OSBPL10: variants seen among roughly 807,000 people sequenced by gnomAD.
OSBPL10 encodes the protein oxysterol binding protein like 10, also known as oxysterol-binding protein-related protein 10.
A neutral mutation model predicts 81.7 loss-of-function variants in OSBPL10; 49 were observed. That is an observed-to-expected ratio of 0.60 (90% CI 0.48 to 0.76). The LOEUF (loss-of-function observed/expected upper bound fraction) is 0.76. Among genes scored for constraint, OSBPL10 ranks in the 30% least tolerant of loss-of-function variants. The pLI, the probability that OSBPL10 is intolerant of heterozygous loss-of-function variation, is 0.00. For synonymous variants in OSBPL10, 419 were observed against 383.6 expected, an observed-to-expected ratio of 1.09 and a Z score of -1.08; for missense variants, 923 against 987.8, an observed-to-expected ratio of 0.93 and a Z score of 0.88.
At chr3:31,746,007 A>G (rs1697509645) in intron 5 of OSBPL10, among the ~76,000 whole-genome samples, 1 of 152,222 alleles carries the variant, frequency 6.6e-6, no homozygotes, top group African/African-American at 2.4e-5. Context: ...CCTGGGCAAC[A>G]AAGCACAATA....
intron 3 of OSBPL10, among the ~76,000 whole-genome samples, chr3:31,834,953 T>C (rs1700330070): frequency 6.6e-6 from 1 of 152,286 alleles, no homozygotes; most frequent in Non-Finnish European, 1.5e-5. Context: ...CATTGGGTTG[T>C]TGGAGAATGA....
In OSBPL10 at chr3:31,840,663, G is replaced by A. The variant is rs895626719; in HGVS notation, c.538-10432C>T. ...GGAGGCTACAGAAACCTTATAAGTC[G>A]TGCGTCCATGAGGCAATTTTCCTAA... On this transcript the variant is annotated intron_variant, in intron 3 of 11. Transcript: ENST00000396556. Among the ~76,000 whole-genome samples, 3 of 152,156 alleles carry A rather than the reference G, an allele frequency of 2.0e-5. 1 individual carries two copies. Among genetic ancestry groups the A allele is most frequent in the African/African-American group, 2.4e-5 (1 of 41,440 alleles).
At chr3:31,830,353 A>T in intron 3 of OSBPL10, 122 bp from the exon 4 acceptor site, 1 of 1,009,376 alleles carries the variant, frequency 9.9e-7, no homozygotes, top group Non-Finnish European at 1.4e-6. Flanking sequence ...AGCTGAAGGT[A>T]TGAAGGAGGT....
intron 2 of OSBPL10, chr3:32,030,188 T>C: frequency 4.1e-6 from 1 of 242,884 alleles, no homozygotes; most frequent in Non-Finnish European, 8.4e-6. Context: ...TTCCAGTAAT[T>C]TGCCAAAATG....
Position 31,924,228 on chromosome 3 carries a change from AAG to A in OSBPL10, c.282-44400_282-44399del, listed in dbSNP as rs1272865457. Reference sequence around the variant, plus strand: ...TGCAAGACTTCATCTAAAAAAAAAAAAGAAAGAAAGAAAAGAAAAAAAGAAAT... The same window carrying A: ...TGCAAGACTTCATCTAAAAAAAAAAAAAAGAAAGAAAAGAAAAAAAGAAAT... On this transcript the variant is annotated intron_variant, in intron 1 of 11. Transcript: ENST00000396556. Among the ~76,000 whole-genome samples, 258 of 149,926 alleles carry A rather than the reference AAG, an allele frequency of 1.7e-3. 4 individuals are homozygous for A. The Middle Eastern group carries it at 0.017, about 10-fold the overall frequency.
intron 4 of OSBPL10, among the ~76,000 whole-genome samples, chr3:31,771,573 T>C (rs569270767): frequency 1.3e-5 from 2 of 151,040 alleles, no homozygotes; most frequent in Non-Finnish European, 3.0e-5. Context: ...TTTATTGGGG[T>C]ATAAAGGAAC....
At chr3:31,888,949 A>C (rs1163890050) in intron 1 of OSBPL10, among the ~76,000 whole-genome samples, 1 of 151,912 alleles carries the variant, frequency 6.6e-6, no homozygotes, top group Non-Finnish European at 1.5e-5. Flanking sequence ...TAATAATAAT[A>C]ATCTGCTTTA....
intron 3 of OSBPL10, among the ~76,000 whole-genome samples, chr3:31,846,886 T>C (rs1050700701): frequency 2.0e-5 from 3 of 152,094 alleles, no homozygotes; most frequent in Non-Finnish European, 4.4e-5. Context: ...CTCATCAATG[T>C]CCTCTATATT....
At chr3:31,914,808 A>G (rs1218239347) in intron 1 of OSBPL10, among the ~76,000 whole-genome samples, 2 of 152,230 alleles carry the variant, frequency 1.3e-5, no homozygotes, top group Non-Finnish European at 2.9e-5. Flanking sequence ...TCACATTTCA[A>G]GCACTCAATA....
intron 3 of OSBPL10, among the ~76,000 whole-genome samples, chr3:31,833,737 A>ACACACACACACACT (rs1491340793): frequency 8.6e-5 from 12 of 139,956 alleles, no homozygotes; most frequent in Middle Eastern, 3.6e-3. Context: ...ACACACACAC[A>ACACACACACACACT]CTCTCTCTCT....
intron 4 of OSBPL10, among the ~76,000 whole-genome samples, chr3:31,822,704 G>A (rs1700007081): frequency 1.3e-5 from 2 of 151,910 alleles, no homozygotes; most frequent in African/African-American, 4.8e-5. Context: ...GAGGCCAGGA[G>A]TTCGACACCA....
chr3:31,875,960 G>C (rs941774177), intron 3 of OSBPL10, among the ~76,000 whole-genome samples: 1 of 152,096 alleles, frequency 6.6e-6, no homozygotes, highest in African/African-American at 2.4e-5. Context: ...CCCCAGGAGA[G>C]AATAAATCAT....
intron 8 of OSBPL10, among the ~76,000 whole-genome samples, chr3:31,676,193 C>T (rs1489136741): frequency 6.6e-6 from 1 of 152,070 alleles, no homozygotes; most frequent in Non-Finnish European, 1.5e-5. Context: ...ATGCCTTTGG[C>T]TTGTTTCTGA....
intron 1 of OSBPL10, among the ~76,000 whole-genome samples, chr3:31,975,510 T>A (rs1698670694): frequency 6.6e-6 from 1 of 152,234 alleles, no homozygotes; most frequent in Non-Finnish European, 1.5e-5. Context: ...ACTCAACGTA[T>A]GTTGTTAATC....
chr3:31,841,114 G>A (rs1700483206), intron 3 of OSBPL10, among the ~76,000 whole-genome samples: 1 of 152,166 alleles, frequency 6.6e-6, no homozygotes, highest in Admixed American at 6.5e-5. Flanking sequence ...CTCCATGTTG[G>A]TCAGGCTGGT....
intron 2 of OSBPL10, among the ~76,000 whole-genome samples, chr3:32,010,762 C>T (rs1248229394): frequency 6.6e-6 from 1 of 152,188 alleles, no homozygotes; most frequent in Non-Finnish European, 1.5e-5. Context: ...GATTTTCCGA[C>T]AGTCTTAGCA....
chr3:31,937,898 C>T (rs983652982), intron 1 of OSBPL10, among the ~76,000 whole-genome samples: 1 of 152,152 alleles, frequency 6.6e-6, no homozygotes, highest in Non-Finnish European at 1.5e-5. Context: ...CCCTGAGTCA[C>T]CAAGTCCAGC....
chr3:31,662,078 T>C lies in OSBPL10; in HGVS notation c.2289A>G (p.Ala763=), dbSNP rs752145076. 2 of 1,614,026 alleles carry C rather than the reference T, an allele frequency of 1.2e-6. No homozygotes were observed. The highest frequency in any genetic ancestry group is 4.5e-5 in the East Asian group (2 of 44,872). The change falls in exon 12 of 12, where the codon GCA becomes GCG. Residue 763 remains alanine, a synonymous_variant. Coordinates refer to ENST00000396556, the MANE Select transcript of OSBPL10 (RefSeq NM_017784.5). The part of the protein sequence containing the change: ...GWVYFNPLWK[A]H Reference sequence around the variant, plus strand: ...GCTCTGCACCTCCACCCCATCAGTGTGCTTTCCAGAGGGGATTGAAGTATA... The same window carrying C: ...GCTCTGCACCTCCACCCCATCAGTGCGCTTTCCAGAGGGGATTGAAGTATA...
chr3:31,665,064 G>GA (rs1265445948), intron 10 of OSBPL10, among the ~76,000 whole-genome samples: 28 of 150,308 alleles, frequency 1.9e-4, no homozygotes, highest in Middle Eastern at 3.5e-3. Flanking sequence ...TGACTACTTG[G>GA]AAAAAAAAAG....
Sources: allele counts gnomAD v4.1 joint callset (sites outside exome capture counted in the v4.1 genomes callset), GRCh38; gene constraint gnomAD v4.1.1; transcripts MANE v1.5; gene names NCBI Gene and HGNC (gene_info 2026-07-23, HGNC 2026-07-21).